The following DGKG variants were observed in gnomAD, a reference collection of about 807,000 sequenced individuals.
The protein encoded by DGKG is DAG kinase gamma.
Under a neutral mutation model 105.3 loss-of-function variants are expected in DGKG, and 78 were observed. That is an observed-to-expected ratio of 0.74 (90% CI 0.62 to 0.89). DGKG has a LOEUF of 0.89. Ranked by LOEUF, DGKG falls within the 40% of genes least tolerant of loss-of-function variation. The pLI, the probability that DGKG is intolerant of heterozygous loss-of-function variation, is 0.00. For missense variants in DGKG, 958 were observed against 1,020.1 expected (o/e 0.94, Z 0.83); for synonymous variants, 346 against 367.1 (o/e 0.94, Z 0.66).
At chr3:186,150,651 T>A (rs1219893830) in intron 24 of DGKG, among the ~76,000 whole-genome samples, 3 of 152,226 alleles carry the variant, frequency 2.0e-5, no homozygotes, top group African/African-American at 7.2e-5. Flanking sequence ...GTCAATCAAG[T>A]GACCGAGGCT....
intron 20 of DGKG, among the ~76,000 whole-genome samples, chr3:186,228,198 T>C (rs1719945355): frequency 1.3e-5 from 2 of 152,180 alleles, no homozygotes; most frequent in South Asian, 4.1e-4. Flanking sequence ...ATAAGAAAGC[T>C]CTGTCGTTGG....
At chr3:186,198,732 C>T (rs952817530) in intron 21 of DGKG, among the ~76,000 whole-genome samples, 6 of 152,210 alleles carry the variant, frequency 3.9e-5, no homozygotes, top group Admixed American at 3.3e-4. Context: ...CTGGAGGCAA[C>T]GGGGAAGAAA....
At chr3:186,222,709 T>G (rs1719646987) in intron 20 of DGKG, among the ~76,000 whole-genome samples, 1 of 150,886 alleles carries the variant, frequency 6.6e-6, no homozygotes, top group African/African-American at 2.4e-5. Context: ...CCAGGCGCAG[T>G]GGGTCACGCC....
intron 19 of DGKG, among the ~76,000 whole-genome samples, chr3:186,243,645 C>T (rs1333734505): frequency 1.3e-5 from 2 of 152,146 alleles, no homozygotes; most frequent in Non-Finnish European, 2.9e-5. Flanking sequence ...GTGTAACGCC[C>T]CTTCACCGCT....
At chr3:186,238,506 G>C (rs73885805) in intron 20 of DGKG, among the ~76,000 whole-genome samples, 1 of 151,888 alleles carries the variant, frequency 6.6e-6, no homozygotes, top group South Asian at 2.1e-4. Context: ...TTTGCTAGAC[G>C]ACGATTTCCT....
rs146409365 is a variant in DGKG, at chr3:186,305,483, G to A, written c.144+1418C>T. Among the ~76,000 whole-genome samples, 217 of 152,324 alleles carry A rather than the reference G, an allele frequency of 1.4e-3. 1 individual carries two copies. Among genetic ancestry groups the A allele is most frequent in the Non-Finnish European group, 2.3e-3 (157 of 68,030 alleles). ...ATGAGGTCAGAGAGCTGGGGGAGGTGCAGCTTGTAATGACCTTCATGTTTA... is the reference window on the plus strand; with the variant it reads ...ATGAGGTCAGAGAGCTGGGGGAGGTACAGCTTGTAATGACCTTCATGTTTA... On this transcript the variant is annotated intron_variant, in intron 3 of 24. Coordinates refer to ENST00000265022, the MANE Select transcript of DGKG (RefSeq NM_001346.3).
intron 16 of DGKG, 96 bp downstream of exon 16, chr3:186,260,343 A>G (rs1293065812): frequency 4.6e-6 from 4 of 871,506 alleles, no homozygotes; most frequent in Admixed American, 4.6e-5. Flanking sequence ...GAACAAGTTG[A>G]GAGACGAAAG....
chr3:186,217,730 C>T (rs1415576515), intron 20 of DGKG, among the ~76,000 whole-genome samples: 6 of 152,226 alleles, frequency 3.9e-5, no homozygotes, highest in Non-Finnish European at 8.8e-5. Flanking sequence ...ATTCACTTTA[C>T]CAGCAGAGGC....
intron 7 of DGKG, among the ~76,000 whole-genome samples, chr3:186,282,920 A>AT (rs896074446): frequency 2.7e-5 from 4 of 146,878 alleles, no homozygotes; most frequent in Non-Finnish European, 4.5e-5. Flanking sequence ...TTTTTTTTTA[A>AT]TTTTTTTGAG....
intron 22 of DGKG, among the ~76,000 whole-genome samples, chr3:186,174,195 C>T (rs372197440): frequency 3.3e-5 from 5 of 152,126 alleles, no homozygotes; most frequent in African/African-American, 9.7e-5. Context: ...AGGGTTGTCT[C>T]GAAGTTTAGA....
At chr3:186,211,244 C>A (rs1420986973) in intron 21 of DGKG, among the ~76,000 whole-genome samples, 2 of 152,168 alleles carry the variant, frequency 1.3e-5, no homozygotes, top group Admixed American at 6.5e-5. Flanking sequence ...AATCAAGGGC[C>A]CTTCTAAGCA....
rs1482856746 is a variant in DGKG at position 186,298,175 on chromosome 3, G to A, written c.199C>T (p.Leu67Phe). 1 of 1,613,906 alleles carries A rather than the reference G, an allele frequency of 6.2e-7. No homozygotes were observed. Among genetic ancestry groups the A allele is most frequent in the South Asian group, 1.1e-5 (1 of 91,030 alleles). ...LFMRAYLEVD[L>F]PQPLSTHLFL... Reference sequence around the variant, plus strand: ...AGGTGAGTGCTCAGTGGCTGGGGAAGGTCCACCTCCAGGTACGCCCTCATG... The same window carrying A: ...AGGTGAGTGCTCAGTGGCTGGGGAAAGTCCACCTCCAGGTACGCCCTCATG... The change falls in exon 4 of 25, where the codon CTT (leucine) becomes TTT (phenylalanine). Residue 67 changes from leucine (L) to phenylalanine (F), a missense_variant. Leu to Phe is a conservative substitution (Grantham distance 22). Coordinates refer to ENST00000265022, the MANE Select transcript of DGKG (RefSeq NM_001346.3).
intron 2 of DGKG, among the ~76,000 whole-genome samples, chr3:186,316,756 T>C (rs1275170917): frequency 1.3e-5 from 2 of 152,236 alleles, no homozygotes; most frequent in Non-Finnish European, 2.9e-5. Flanking sequence ...GAGCCTCTCC[T>C]ACCTGGTAAC....
At position 186,148,957 on chromosome 3, in the gene DGKG, ATT is replaced by A. The variant is rs36040773; in HGVS notation, c.*1131_*1132del. 1 of 723,692 alleles carries A rather than the reference ATT, an allele frequency of 1.4e-6. No homozygotes were observed. Among genetic ancestry groups the A allele is most frequent in the Non-Finnish European group, 1.7e-6 (1 of 604,796 alleles). The allele number at this position is 723,692 out of a possible 1,614,324, so 44.8% of individuals were successfully genotyped here. On this transcript the variant is annotated 3_prime_UTR_variant, in exon 25 of 25. Coordinates refer to ENST00000265022, the MANE Select transcript of DGKG (RefSeq NM_001346.3). ...AGGAAAAGTCCATCAGTAAATAAAT[ATT>A]TATATATATATATATATAAATATAT...
intron 5 of DGKG, among the ~76,000 whole-genome samples, chr3:186,294,106 G>A (rs1354645790): frequency 6.6e-6 from 1 of 152,250 alleles, no homozygotes; most frequent in East Asian, 1.9e-4. Context: ...ATCTCTGGAA[G>A]TTTCTCTTTT....
At chr3:186,258,563 T>G (rs915058505) in intron 16 of DGKG, among the ~76,000 whole-genome samples, 2 of 152,200 alleles carry the variant, frequency 1.3e-5, no homozygotes, top group Non-Finnish European at 2.9e-5. Flanking sequence ...CAATTCAGCA[T>G]GTAGGCAACA....
chr3:186,268,612 C>G (rs1722168843), intron 12 of DGKG, among the ~76,000 whole-genome samples, 189 bp downstream of exon 12: 1 of 152,218 alleles, frequency 6.6e-6, no homozygotes, highest in Non-Finnish European at 1.5e-5. Flanking sequence ...GGTGCCCTCT[C>G]TCTGGGCAGC....
intron 19 of DGKG, among the ~76,000 whole-genome samples, chr3:186,249,552 A>T (rs1166402317): frequency 1.3e-5 from 2 of 152,330 alleles, no homozygotes; most frequent in Admixed American, 6.5e-5. Flanking sequence ...TTAAAAAAAT[A>T]AAACCTAGGC....
chr3:186,224,308 A>T (rs1344153877), intron 20 of DGKG, among the ~76,000 whole-genome samples: 1 of 152,122 alleles, frequency 6.6e-6, no homozygotes, highest in Non-Finnish European at 1.5e-5. Context: ...TGTTCCCCAT[A>T]TGTGCCTGTT....
Sources: gnomAD v4.1 joint callset for allele counts (sites outside exome capture counted in the v4.1 genomes callset) on GRCh38, gnomAD v4.1.1 for gene constraint, MANE v1.5 for transcripts, NCBI Gene and HGNC (gene_info 2026-07-23, HGNC 2026-07-21) for gene names.